Variants in NOMO1 observed in about 807,000 individuals in gnomAD.
NOMO1 encodes NODAL modulator 1.
NOMO1 carries 40 observed loss-of-function variants against 133.8 expected under a neutral mutation model. That is an observed-to-expected ratio of 0.30 (90% confidence interval 0.23 to 0.39). The LOEUF (loss-of-function observed/expected upper bound fraction) is 0.39. NOMO1 is among the 10% of genes least tolerant of loss of function. The pLI is 1.00. For synonymous variants in NOMO1, 236 were observed against 570.5 expected (o/e 0.41, Z 8.36); for missense variants, 462 against 1,419.9 (o/e 0.33, Z 10.84).
In NOMO1 at chr16:14,857,655, G is replaced by A. The variant is rs371409330; in HGVS notation, c.1220G>A (p.Gly407Glu). Residue 407 changes from glycine to glutamate, a missense_variant and splice_region_variant, in exon 11 of 31, where the codon GGG (glycine) becomes GAG (glutamate). Coordinates refer to ENST00000287667, the MANE Select transcript of NOMO1 (RefSeq NM_014287.4). ...CAGCTGGCTGACATTATTGCAACAG[G>A]GTAAGCTTATCGTGTGGATTTGGAA... ...TPQLADIIAT[G>E]FSVCGQISII... 11 of 1,613,570 alleles carry A rather than the reference G, an allele frequency of 6.8e-6. No individual in the cohort carries two copies. In the African/African-American group the frequency reaches 1.3e-4, roughly 20 times the overall value.
At chr16:14,881,059 A>G (rs1047093624) in intron 24 of NOMO1, among the ~76,000 whole-genome samples, 2 of 152,016 alleles carry the variant, frequency 1.3e-5, no homozygotes, top group African/African-American at 4.8e-5. Flanking sequence ...ATACACATCT[A>G]TAGATAGAGA....
chr16:14,846,307 G>A lies in NOMO1; in HGVS notation c.403-270G>A, dbSNP rs530869160. Among the ~76,000 whole-genome samples, 34 of 151,420 alleles carry A rather than the reference G, an allele frequency of 2.2e-4. 1 individual carries two copies. Among genetic ancestry groups the A allele is most frequent in the African/African-American group, 8.3e-4 (34 of 40,788 alleles). On this transcript the variant is annotated intron_variant, in intron 4 of 30. Transcript: ENST00000287667. ...CTCCCAAAGTGCTAGGATTACAGGCGTGAACCACCACACCCGCCCAGACCA... is the reference window on the plus strand; with the variant it reads ...CTCCCAAAGTGCTAGGATTACAGGCATGAACCACCACACCCGCCCAGACCA...
intron 1 of NOMO1, among the ~76,000 whole-genome samples, chr16:14,837,245 G>T (rs1395238973): frequency 2.0e-5 from 3 of 151,686 alleles, no homozygotes; most frequent in African/African-American, 7.3e-5. Context: ...CTGGGCTCAA[G>T]TGATCCTCCT....
At chr16:14,835,848 A>G (rs1296690701) in intron 1 of NOMO1, among the ~76,000 whole-genome samples, 1 of 151,906 alleles carries the variant, frequency 6.6e-6, no homozygotes, top group Non-Finnish European at 1.5e-5. Flanking sequence ...GAGTGTTTTT[A>G]CATCGTGTTC....
In NOMO1 at chr16:14,866,649, G is replaced by A. The variant is rs536771392; in HGVS notation, c.1764G>A (p.Thr588=). 2.7e-5 allele frequency: 43 copies of A among 1,610,046 alleles called. No individual in the cohort carries two copies. The highest frequency in any genetic ancestry group is 5.0e-5 in the Admixed American group (3 of 59,942). The stretch of plus-strand genomic sequence containing the variant: ...TGTCTGCAGTTGAGTTCAGGCAGAC[G>A]GGCTACATGCTGAGATGTTCCCTGT... ...DDMSAVEFRQ[T]GYMLRCSLSH... The change falls in exon 15 of 31, where the codon ACG becomes ACA. Residue 588 remains threonine (T), a synonymous_variant. Coordinates refer to ENST00000287667, the MANE Select transcript of NOMO1 (RefSeq NM_014287.4).
intron 16 of NOMO1, among the ~76,000 whole-genome samples, chr16:14,870,955 G>C (rs904182537): frequency 1.7e-4 from 26 of 149,336 alleles, no homozygotes; most frequent in Non-Finnish European, 3.1e-4. Context: ...TTTTTTGATG[G>C]TAACTACTCT....
intron 29 of NOMO1, among the ~76,000 whole-genome samples, chr16:14,892,813 C>G (rs1037968441): frequency 1.3e-5 from 2 of 149,162 alleles, no homozygotes; most frequent in Non-Finnish European, 1.5e-5. Flanking sequence ...TGAGTGTTAG[C>G]AGAACCAGGA....
intron 17 of NOMO1, among the ~76,000 whole-genome samples, 196 bp downstream of exon 17, chr16:14,871,880 C>G (rs1278528561): frequency 6.6e-6 from 1 of 150,732 alleles, no homozygotes; most frequent in Non-Finnish European, 1.5e-5. Flanking sequence ...GGATCCCTTT[C>G]CCAAGAATTC....
At chr16:14,871,113 C>A (rs1013737729) in intron 16 of NOMO1, among the ~76,000 whole-genome samples, 1 of 151,596 alleles carries the variant, frequency 6.6e-6, no homozygotes, top group Non-Finnish European at 1.5e-5. Context: ...CTGTGTTCCT[C>A]TGGCAAGTGA....
rs1168297709 is a variant in NOMO1, at chr16:14,864,724, T to G, written c.1535T>G (p.Leu512Trp). The stretch of plus-strand genomic sequence containing the variant: ...TCAGTTTCTGGGAAAGTCTCTTGTT[T>G]GGGTAAGATATCACTGGAAAGTAAG... ...LASVSGKVSC[L>W]DTCGDLLVTL... The change falls in exon 13 of 31, where the codon TTG (leucine) becomes TGG (tryptophan). Residue 512 changes from leucine to tryptophan, a missense_variant and splice_region_variant. Transcript: ENST00000287667. 4 of 1,613,590 alleles carry G rather than the reference T, an allele frequency of 2.5e-6. No individual in the cohort carries two copies. In the Admixed American group the frequency reaches 5.0e-5, roughly 20 times the overall value.
At chr16:14,856,427 T>C (rs1027319403) in intron 9 of NOMO1, among the ~76,000 whole-genome samples, 1 of 150,660 alleles carries the variant, frequency 6.6e-6, no homozygotes, top group African/African-American at 2.4e-5. Context: ...GGTGGATTTC[T>C]TTTTTTTTCT....
intron 24 of NOMO1, 119 bp from the exon 25 acceptor site, chr16:14,881,425 A>G (rs1964241049): frequency 6.2e-7 from 1 of 1,608,940 alleles, no homozygotes; most frequent in East Asian, 2.2e-5. Flanking sequence ...TGCCTGGGTC[A>G]TTGAGGCACA....
intron 1 of NOMO1, among the ~76,000 whole-genome samples, chr16:14,836,777 C>T (rs1963519782): frequency 6.7e-6 from 1 of 149,042 alleles, no homozygotes; most frequent in African/African-American, 2.5e-5. Context: ...ACAATCTCGG[C>T]TCACTGCAAG....
At chr16:14,887,042 A>G (rs554667885) in intron 28 of NOMO1, among the ~76,000 whole-genome samples, 180 bp downstream of exon 28, 32 of 152,236 alleles carry the variant, frequency 2.1e-4, no homozygotes, top group Non-Finnish European at 4.4e-4. Flanking sequence ...TTCTGTTTAC[A>G]AAAAGAATAC....
chr16:14,862,936 C>A lies in NOMO1; in HGVS notation c.1221-77C>A, dbSNP rs926025095. The A allele has an allele frequency of 2.6e-5, 42 of 1,606,280 alleles. No homozygotes were observed. The African/African-American group carries it at 5.0e-4, about 19-fold the overall frequency. ...AGGAACAAGGGCTGGGAGAGGGCTG[C>A]ATCTTTTTTGGTCTATAAGAGCCTT... On this transcript the variant is annotated intron_variant, in intron 11 of 30. Transcript: ENST00000287667.
Position 14,889,132 on chromosome 16 carries a change from TC to T in NOMO1, c.3364del (p.Gln1122SerfsTer22), listed in dbSNP as rs773376305. On this transcript the variant is annotated frameshift_variant, in exon 29 of 31. Transcript: ENST00000287667. LOFTEE classifies it high-confidence loss of function. ...VVLLDSTLPR[S>X]QYDYILPQVS... The stretch of plus-strand genomic sequence containing the variant: ...GCTTCTGGACTCCACACTCCCCAGA[TC>T]CCAGTATGACTACATCTTGCCTCAA... The T allele has an allele frequency of 6.2e-7, 1 of 1,611,386 alleles. No homozygotes were observed.
At chr16:14,882,781 A>C (rs560793665) in intron 26 of NOMO1, 104 bp downstream of exon 26, 13 of 1,577,924 alleles carry the variant, frequency 8.2e-6, no homozygotes, top group Middle Eastern at 2.3e-4. Flanking sequence ...GGCGGGGGGA[A>C]CTTTCATCCT....
intron 2 of NOMO1, among the ~76,000 whole-genome samples, chr16:14,839,042 G>A (rs4781630): frequency 1.3e-5 from 2 of 151,528 alleles, no homozygotes; most frequent in South Asian, 4.2e-4. Context: ...CTGATAAAGG[G>A]TTTTTTTGTT....
At position 14,875,024 on chromosome 16, in the gene NOMO1, T is replaced by C; in HGVS notation, c.2055-12T>C. On this transcript the variant is annotated splice_polypyrimidine_tract_variant and intron_variant, in intron 18 of 30. Transcript: ENST00000287667. ...ATACGCAACTATGTCCTAGGGGCCGTCTTTCTTCTAGGTCTTCCATCGACA... is the reference window on the plus strand; with the variant it reads ...ATACGCAACTATGTCCTAGGGGCCGCCTTTCTTCTAGGTCTTCCATCGACA... 1 of 1,613,786 alleles carries C rather than the reference T, an allele frequency of 6.2e-7. No homozygotes were observed. The highest frequency in any genetic ancestry group is 1.1e-5 in the South Asian group (1 of 91,054).
Sources: gnomAD v4.1 joint callset for allele counts (sites outside exome capture counted in the v4.1 genomes callset) on GRCh38, gnomAD v4.1.1 for gene constraint, MANE v1.5 for transcripts, NCBI Gene and HGNC (gene_info 2026-07-23, HGNC 2026-07-21) for gene names.